Variants in NTM observed in about 807,000 individuals in gnomAD.
NTM encodes the protein IgLON family member 2.
A neutral mutation model predicts 42.1 loss-of-function variants in NTM; 13 were observed. The ratio of observed to expected loss-of-function variants is 0.31; its 90% CI spans 0.20 to 0.49. The LOEUF (loss-of-function observed/expected upper bound fraction) is 0.49. Ranked by LOEUF, NTM falls within the 20% of genes least tolerant of loss-of-function variation. The pLI, the probability that NTM is intolerant of heterozygous loss-of-function variation, is 0.99. For missense variants in NTM, 373 were observed against 452.8 expected, an observed-to-expected ratio of 0.82 and a Z score of 1.60; for synonymous variants, 187 against 179.2, an observed-to-expected ratio of 1.04 and a Z score of -0.35.
chr11:132,304,357 C>T (rs1056272630), intron 4 of NTM, among the ~76,000 whole-genome samples: 3 of 151,718 alleles, frequency 2.0e-5, no homozygotes, highest in Non-Finnish European at 4.4e-5. Flanking sequence ...TTGCCTCTTC[C>T]CCACTGATGT....
chr11:131,711,160 C>A (rs1013926601), intron 1 of NTM, among the ~76,000 whole-genome samples: 1 of 152,158 alleles, frequency 6.6e-6, no homozygotes, highest in Admixed American at 6.5e-5. Flanking sequence ...CGCTTCTGCA[C>A]CGCAAAAGAA....
At chr11:131,563,048 C>T (rs11222698) in intron 1 of NTM, among the ~76,000 whole-genome samples, 22,874 of 152,140 alleles carry the variant, frequency 0.15, 2,105 homozygotes, top group Non-Finnish European at 0.21. Flanking sequence ...CTTCTCATTC[C>T]CAGAGTGACC....
At chr11:132,116,465 T>A (rs1289106117) in intron 2 of NTM, among the ~76,000 whole-genome samples, 1 of 152,214 alleles carries the variant, frequency 6.6e-6, no homozygotes, top group Admixed American at 6.5e-5. Context: ...AGTTTCTGGA[T>A]ACAGAGCAAG....
At chr11:132,308,411 G>A (rs1039614746) in intron 5 of NTM, among the ~76,000 whole-genome samples, 2 of 152,190 alleles carry the variant, frequency 1.3e-5, no homozygotes, top group African/African-American at 4.8e-5. Flanking sequence ...GGAAGGTGCT[G>A]TGTGGACCCC....
At chr11:132,081,458 C>T (rs566307298) in intron 2 of NTM, among the ~76,000 whole-genome samples, 4 of 152,250 alleles carry the variant, frequency 2.6e-5, no homozygotes, top group South Asian at 2.1e-4. Context: ...GTTGGCCAGG[C>T]ACGGTGGCTC....
At chr11:132,259,324 A>G (rs1382184310) in intron 4 of NTM, among the ~76,000 whole-genome samples, 1 of 152,166 alleles carries the variant, frequency 6.6e-6, no homozygotes, top group Non-Finnish European at 1.5e-5. Context: ...AAGAAGCTCA[A>G]ATGAAAAAAA....
intron 4 of NTM, among the ~76,000 whole-genome samples, chr11:132,258,931 C>T (rs546981661): frequency 6.6e-6 from 1 of 152,328 alleles, no homozygotes; most frequent in Admixed American, 6.5e-5. Flanking sequence ...AGCAAACACC[C>T]AATAGTTCTG....
intron 2 of NTM, among the ~76,000 whole-genome samples, chr11:132,107,090 A>G (rs1021566133): frequency 6.6e-6 from 1 of 152,138 alleles, no homozygotes; most frequent in Non-Finnish European, 1.5e-5. Flanking sequence ...TTTATTAGCC[A>G]GGCACTGTAT....
chr11:131,451,584 G>T (rs532796920), intron 1 of NTM, among the ~76,000 whole-genome samples: 6 of 152,194 alleles, frequency 3.9e-5, no homozygotes, highest in Non-Finnish European at 8.8e-5. Flanking sequence ...ATTCAGAAAT[G>T]GGCATGGTCA....
intron 2 of NTM, among the ~76,000 whole-genome samples, chr11:132,139,993 T>G (rs1222439447): frequency 3.3e-5 from 5 of 152,226 alleles, no homozygotes; most frequent in African/African-American, 9.6e-5. Flanking sequence ...TGTTATAGAC[T>G]GTACAATAGG....
chr11:131,759,059 G>A (rs1057425410), intron 1 of NTM, among the ~76,000 whole-genome samples: 4 of 152,158 alleles, frequency 2.6e-5, no homozygotes, highest in African/African-American at 4.8e-5. Context: ...AGAAAATAAA[G>A]CATACACTTC....
intron 3 of NTM, among the ~76,000 whole-genome samples, chr11:132,181,244 A>G (rs142573693): frequency 3.0e-4 from 45 of 152,206 alleles, no homozygotes; most frequent in African/African-American, 1.1e-3. Context: ...AATCCTTCTC[A>G]TGAGTCATAC....
chr11:132,042,216 T>A (rs2077295269), intron 2 of NTM, among the ~76,000 whole-genome samples: 1 of 152,202 alleles, frequency 6.6e-6, no homozygotes, highest in Non-Finnish European at 1.5e-5. Context: ...GGAGGTGTTT[T>A]GCTTTGATCA....
chr11:132,132,590 G>T (rs2067020880), intron 2 of NTM, among the ~76,000 whole-genome samples: 2 of 152,140 alleles, frequency 1.3e-5, no homozygotes, highest in South Asian at 4.1e-4. Flanking sequence ...GCACTCAGAA[G>T]GTTTGTAAAC....
intron 1 of NTM, among the ~76,000 whole-genome samples, chr11:131,623,863 A>G (rs899595512): frequency 6.6e-6 from 1 of 152,226 alleles, no homozygotes; most frequent in South Asian, 2.1e-4. Flanking sequence ...TTCCACTGTT[A>G]GCCAAGGAAA....
At chr11:132,099,132 G>A (rs2061357078) in intron 2 of NTM, among the ~76,000 whole-genome samples, 1 of 102,762 alleles carries the variant, frequency 9.7e-6, no homozygotes, top group South Asian at 3.0e-4. Flanking sequence ...TGAAATTGTA[G>A]CAACACCTGT....
intron 1 of NTM, among the ~76,000 whole-genome samples, chr11:131,401,814 A>ATATATATATATATATATATATGTG (rs1945191500): frequency 3.7e-5 from 1 of 27,180 alleles, no homozygotes; most frequent in African/African-American, 2.1e-4. Context: ...ATATATATAT[A>ATATATATATATATATATATATGTG]TATATATATA....
chr11:131,645,744 G>T (rs180817624), intron 1 of NTM, among the ~76,000 whole-genome samples: 1 of 151,952 alleles, frequency 6.6e-6, no homozygotes, highest in African/African-American at 2.4e-5. Flanking sequence ...GTTCTCCTTC[G>T]GAGTGTCAAA....
intron 2 of NTM, among the ~76,000 whole-genome samples, chr11:132,139,318 G>A (rs148462913): frequency 6.6e-6 from 1 of 152,304 alleles, no homozygotes; most frequent in East Asian, 1.9e-4. Flanking sequence ...GTGTAACAGA[G>A]TTATTGAATC....
Sources: allele counts gnomAD v4.1 joint callset (sites outside exome capture counted in the v4.1 genomes callset), GRCh38; gene constraint gnomAD v4.1.1; transcripts MANE v1.5; gene names NCBI Gene and HGNC (gene_info 2026-07-23, HGNC 2026-07-21).